SGPP2: variants seen among roughly 807,000 people sequenced by gnomAD.
SGPP2 encodes sphingosine 1-phosphate phosphohydrolase 2.
Under a neutral mutation model 33.9 loss-of-function variants are expected in SGPP2, and 30 were observed. That is an observed-to-expected ratio of 0.89 (90% confidence interval 0.66 to 1.20). SGPP2 has a LOEUF of 1.20. Ranked by LOEUF, SGPP2 falls within the 50% of genes most tolerant of loss-of-function variation. The pLI is 0.00. For synonymous variants in SGPP2, 233 were observed against 225.0 expected (o/e 1.04, Z -0.32); for missense variants, 458 against 532.1 (o/e 0.86, Z 1.37).
At chr2:222,502,125 G>A (rs1013805358) in intron 2 of SGPP2, among the ~76,000 whole-genome samples, 2 of 152,162 alleles carry the variant, frequency 1.3e-5, no homozygotes, top group Non-Finnish European at 2.9e-5. Context: ...GTGAAGTAAG[G>A]AAATTGGCCT....
intron 2 of SGPP2, among the ~76,000 whole-genome samples, chr2:222,501,596 C>G (rs187549230): frequency 2.0e-5 from 3 of 152,268 alleles, no homozygotes; most frequent in Admixed American, 2.0e-4. Flanking sequence ...AGCAAAATGG[C>G]AGACCTGACC....
At chr2:222,453,214 A>G in intron 1 of SGPP2, 1 of 773,566 alleles carries the variant, frequency 1.3e-6, no homozygotes, top group Non-Finnish European at 2.4e-6. Flanking sequence ...CAGGCCCACA[A>G]ATGACAGGCA....
intron 1 of SGPP2, among the ~76,000 whole-genome samples, chr2:222,436,794 G>A (rs944628933): frequency 1.3e-5 from 2 of 152,180 alleles, no homozygotes; most frequent in Admixed American, 6.5e-5. Flanking sequence ...GATAGAAGAG[G>A]TCCAATATAA....
At chr2:222,529,208 A>G (rs1015051140) in intron 4 of SGPP2, among the ~76,000 whole-genome samples, 40 of 152,340 alleles carry the variant, frequency 2.6e-4, no homozygotes, top group Admixed American at 9.8e-4. Context: ...TTCCATCTGA[A>G]AAGATTACTT....
At position 222,476,255 on chromosome 2, in the gene SGPP2, A is replaced by T. The variant is rs768946424; in HGVS notation, c.378+1529A>T. ...GACTTGATCAGGGGTCATAAATTCG[A>T]ATGTTCTCAGGGGCAGGGGACAGAA... On this transcript the variant is annotated intron_variant, in intron 2 of 4. Transcript: ENST00000321276. The surrounding 1 kb of genome is among the most constrained non-coding windows in gnomAD (Gnocchi z 4.3). Among the ~76,000 whole-genome samples, 2 of 152,128 alleles carry T rather than the reference A, an allele frequency of 1.3e-5. No homozygotes were observed. The highest frequency in any genetic ancestry group is 2.9e-5 in the Non-Finnish European group (2 of 68,016).
At chr2:222,498,952 C>G (rs1207179512) in intron 2 of SGPP2, among the ~76,000 whole-genome samples, 1 of 152,160 alleles carries the variant, frequency 6.6e-6, no homozygotes, top group Non-Finnish European at 1.5e-5. Context: ...ATATGGAAAC[C>G]AGTATTTCTC....
rs375275296 is a variant in SGPP2, at chr2:222,462,007, C to T, written c.220-12561C>T. 2.3e-4 allele frequency among the ~76,000 whole-genome samples: 35 copies of T among 152,250 alleles called. No homozygotes were observed. In the South Asian group the frequency reaches 4.2e-3, roughly 18 times the overall value. On this transcript the variant is annotated intron_variant, in intron 1 of 4. Coordinates refer to ENST00000321276, the MANE Select transcript of SGPP2 (RefSeq NM_152386.4). ...GGACTGTCCCTCTGCCTCAGCACAG[C>T]GACCGTCATGAGTCATGCCTGTCCC...
chr2:222,562,490 GT>G lies in SGPP2; in HGVS notation c.*3596del, dbSNP rs1483937819. Among the ~76,000 whole-genome samples, 1 of 152,196 alleles carries G rather than the reference GT, an allele frequency of 6.6e-6. No homozygotes were observed. The highest frequency in any genetic ancestry group is 1.9e-4 in the East Asian group (1 of 5,202). ...CCTGAGTGTAATCAAAGCATGTGGT[GT>G]TTTGGGGCCATATGCACCAGGTTTC... On this transcript the variant is annotated 3_prime_UTR_variant, in exon 5 of 5. Transcript: ENST00000321276.
chr2:222,474,811 T>G, intron 2 of SGPP2, 85 bp downstream of exon 2: 3 of 1,042,728 alleles, frequency 2.9e-6, no homozygotes, highest in Non-Finnish European at 3.8e-6. Context: ...AAATATGTTC[T>G]TTCTTTTTTT....
chr2:222,424,441 G>T (rs1697025880), upstream of SGPP2: 2 of 235,248 alleles, frequency 8.5e-6, no homozygotes, highest in African/African-American at 2.3e-5. Flanking sequence ...CTGGGCGGGC[G>T]CTAGGACCCG....
chr2:222,491,459 C>A (rs1211226476), intron 2 of SGPP2, among the ~76,000 whole-genome samples: 1 of 152,152 alleles, frequency 6.6e-6, no homozygotes, highest in African/African-American at 2.4e-5. Flanking sequence ...GGGAAGCAGG[C>A]ACATCTTACA....
intron 4 of SGPP2, among the ~76,000 whole-genome samples, chr2:222,537,295 A>C (rs939574886): frequency 1.3e-5 from 2 of 152,240 alleles, no homozygotes; most frequent in Non-Finnish European, 2.9e-5. Context: ...TTTTAAAGAA[A>C]TCTCTGCCTA....
chr2:222,467,053 C>G (rs1697757343), intron 1 of SGPP2, among the ~76,000 whole-genome samples: 1 of 152,162 alleles, frequency 6.6e-6, no homozygotes, highest in Admixed American at 6.5e-5. Flanking sequence ...GAGATAACCT[C>G]TAATACTGAG....
chr2:222,543,790 C>T (rs1163231453), intron 4 of SGPP2, among the ~76,000 whole-genome samples: 1 of 152,176 alleles, frequency 6.6e-6, no homozygotes, highest in Non-Finnish European at 1.5e-5. Flanking sequence ...AGTGACAGCC[C>T]CTAACTTTGT....
intron 4 of SGPP2, among the ~76,000 whole-genome samples, chr2:222,528,299 G>A (rs374660193): frequency 6.6e-6 from 1 of 152,076 alleles, no homozygotes; most frequent in Non-Finnish European, 1.5e-5. Flanking sequence ...ATCACAGCGG[G>A]TTCAGTTCCA....
At chr2:222,496,874 C>A (rs1437285620) in intron 2 of SGPP2, among the ~76,000 whole-genome samples, 1 of 152,148 alleles carries the variant, frequency 6.6e-6, no homozygotes, top group African/African-American at 2.4e-5. Context: ...TGGCATCTGG[C>A]AGCAATTCAA....
intron 1 of SGPP2, among the ~76,000 whole-genome samples, chr2:222,443,989 T>G (rs1697362911): frequency 6.6e-6 from 1 of 152,252 alleles, no homozygotes; most frequent in African/African-American, 2.4e-5. Context: ...ACATGGTATT[T>G]GGTGTCAAGT....
At chr2:222,532,335 T>C (rs1393973948) in intron 4 of SGPP2, among the ~76,000 whole-genome samples, 1 of 152,050 alleles carries the variant, frequency 6.6e-6, no homozygotes, top group Non-Finnish European at 1.5e-5. Context: ...TGGCTCTCTC[T>C]GCATAAGCAG....
At chr2:222,458,673 A>G (rs1370010495) in intron 1 of SGPP2, among the ~76,000 whole-genome samples, 1 of 152,120 alleles carries the variant, frequency 6.6e-6, no homozygotes, top group Non-Finnish European at 1.5e-5. Context: ...CAATTTACCT[A>G]TGTTGTTCCT....
Sources: allele counts gnomAD v4.1 joint callset (sites outside exome capture counted in the v4.1 genomes callset), GRCh38; gene constraint gnomAD v4.1.1; non-coding constraint Gnocchi (gnomAD v3.1); transcripts MANE v1.5; gene names NCBI Gene and HGNC (gene_info 2026-07-23, HGNC 2026-07-21).